CSMD1: variants seen among roughly 807,000 people sequenced by gnomAD.
CSMD1 encodes the protein CUB and sushi domain-containing protein 1.
Under a neutral mutation model 417.5 loss-of-function variants are expected in CSMD1, and 213 were observed. That is an observed-to-expected ratio of 0.51 (90% CI 0.46 to 0.57). The LOEUF (loss-of-function observed/expected upper bound fraction) is 0.57, where lower values mean the gene tolerates loss of function less well. CSMD1 is among the 20% of genes least tolerant of loss of function. The pLI, the probability that CSMD1 is intolerant of heterozygous loss-of-function variation, is 0.00. For synonymous variants in CSMD1, 2,862 were observed against 1,736.8 expected (o/e 1.65, Z -16.11); for missense variants, 6,923 against 4,529.7 (o/e 1.53, Z -15.17).
intron 5 of CSMD1, among the ~76,000 whole-genome samples, chr8:3,811,548 T>C (rs1454101503): frequency 3.9e-5 from 6 of 152,132 alleles, no homozygotes; most frequent in African/African-American, 1.4e-4. Context: ...TGTTCTTTTC[T>C]CTGCACGCCT....
intron 3 of CSMD1, among the ~76,000 whole-genome samples, chr8:4,070,120 G>A (rs893470680): frequency 2.0e-5 from 3 of 152,032 alleles, no homozygotes; most frequent in Non-Finnish European, 4.4e-5. Context: ...CAGTCTTCTT[G>A]TAAATATTAC....
intron 8 of CSMD1, among the ~76,000 whole-genome samples, chr8:3,611,411 G>A (rs992545697): frequency 7.9e-5 from 12 of 152,222 alleles, no homozygotes; most frequent in African/African-American, 9.6e-5. Flanking sequence ...TGAGCTGGCT[G>A]CTTGCTTTTC....
At position 3,728,597 on chromosome 8, in the gene CSMD1, A is replaced by G. The variant is rs369482850; in HGVS notation, c.932-20106T>C. Among the ~76,000 whole-genome samples, 206 of 152,260 alleles carry G rather than the reference A, an allele frequency of 1.4e-3. 5 individuals carry two copies. In the South Asian group the frequency reaches 0.034, roughly 25 times the overall value. Reference sequence around the variant, plus strand: ...GGTGTGACTGACTTGCACATTAACCAAAGAAAAAGGGCATCTGTGGTAGAG... The same window carrying G: ...GGTGTGACTGACTTGCACATTAACCGAAGAAAAAGGGCATCTGTGGTAGAG... On this transcript the variant is annotated intron_variant, in intron 6 of 69. Transcript: ENST00000635120.
intron 1 of CSMD1, among the ~76,000 whole-genome samples, chr8:4,896,590 T>C (rs1294415347): frequency 6.6e-6 from 1 of 152,114 alleles, no homozygotes; most frequent in African/African-American, 2.4e-5. Flanking sequence ...TATTTAACCA[T>C]GTTCATAAAT....
chr8:4,321,531 G>T (rs983451207), intron 3 of CSMD1, among the ~76,000 whole-genome samples: 8 of 152,132 alleles, frequency 5.3e-5, no homozygotes, highest in Non-Finnish European at 7.3e-5. Flanking sequence ...GGATTAAAGG[G>T]ATGAGTATCT....
In CSMD1 at chr8:4,701,070, G is replaced by C. The variant is rs979576173; in HGVS notation, c.86-63512C>G. ...AGTACATAAAACATCTGATAGATGA[G>C]TTTTATTGAAATTAAGGGTAGAGTT... On this transcript the variant is annotated intron_variant, in intron 1 of 69. Coordinates refer to ENST00000635120, the MANE Select transcript of CSMD1 (RefSeq NM_033225.6). Among the ~76,000 whole-genome samples, 16 of 152,270 alleles carry C rather than the reference G, an allele frequency of 1.1e-4. No homozygotes were observed. The East Asian group carries it at 2.3e-3, about 22-fold the overall frequency.
intron 3 of CSMD1, among the ~76,000 whole-genome samples, chr8:4,169,106 C>CT (rs1171022771): frequency 6.6e-6 from 1 of 152,206 alleles, no homozygotes; most frequent in Non-Finnish European, 1.5e-5. Context: ...CCTTGAACCT[C>CT]TTTTCTCATC....
intron 6 of CSMD1, among the ~76,000 whole-genome samples, chr8:3,737,084 A>G (rs1796558648): frequency 6.6e-6 from 1 of 152,248 alleles, no homozygotes; most frequent in African/African-American, 2.4e-5. Flanking sequence ...GTTCATTTAT[A>G]TTATAGTCAT....
chr8:4,672,519 T>C lies in CSMD1; in HGVS notation c.86-34961A>G, dbSNP rs190903572. 3.3e-5 allele frequency among the ~76,000 whole-genome samples: 5 copies of C among 152,328 alleles called. No homozygotes were observed. The East Asian group carries it at 5.8e-4, about 18-fold the overall frequency. On this transcript the variant is annotated intron_variant, in intron 1 of 69. Transcript: ENST00000635120. ...TGAAAAAAAGCTTTAATAAGGATCTTTGGTGAAATATGCACCTATAATGTA... is the reference window on the plus strand; with the variant it reads ...TGAAAAAAAGCTTTAATAAGGATCTCTGGTGAAATATGCACCTATAATGTA...
chr8:4,179,219 C>T (rs1451992420), intron 3 of CSMD1, among the ~76,000 whole-genome samples: 8 of 152,066 alleles, frequency 5.3e-5, no homozygotes, highest in Admixed American at 4.6e-4. Flanking sequence ...GGTACTGGTA[C>T]CAAAACAGAG....
At chr8:4,078,267 G>C (rs964443121) in intron 3 of CSMD1, among the ~76,000 whole-genome samples, 24 of 149,834 alleles carry the variant, frequency 1.6e-4, no homozygotes, top group Non-Finnish European at 3.5e-4. Flanking sequence ...ACTATGCATT[G>C]ATAATGCAGA....
intron 2 of CSMD1, among the ~76,000 whole-genome samples, chr8:4,536,172 T>C (rs761297614): frequency 1.2e-4 from 18 of 152,172 alleles, no homozygotes; most frequent in Admixed American, 4.6e-4. Context: ...GTAAGGAGAT[T>C]TGTTTTATTT....
At chr8:4,660,521 A>G (rs1336466969) in intron 1 of CSMD1, among the ~76,000 whole-genome samples, 4 of 152,154 alleles carry the variant, frequency 2.6e-5, no homozygotes, top group African/African-American at 7.2e-5. Context: ...AGAGAAGATT[A>G]TTCTAAAATG....
chr8:4,515,660 A>G (rs1803076489), intron 2 of CSMD1, among the ~76,000 whole-genome samples: 1 of 152,150 alleles, frequency 6.6e-6, no homozygotes, highest in African/African-American at 2.4e-5. Context: ...GATTCCCTCT[A>G]GGGTGTTTGC....
At position 3,223,724 on chromosome 8, in the gene CSMD1, G is replaced by A. The variant is rs752258950; in HGVS notation, c.4484+5C>T. 25 of 1,613,456 alleles carry A rather than the reference G, an allele frequency of 1.5e-5. No individual in the cohort carries two copies. Among genetic ancestry groups the A allele is most frequent in the African/African-American group, 4.0e-5 (3 of 74,872 alleles). On this transcript the variant is annotated splice_donor_5th_base_variant and intron_variant, in intron 28 of 69. Coordinates refer to ENST00000635120, the MANE Select transcript of CSMD1 (RefSeq NM_033225.6). ...TAAAAAGAGGTATTCTGCAAGAGAC[G>A]GTACCTTTTGAATATCAAGGCGATG...
intron 1 of CSMD1, among the ~76,000 whole-genome samples, chr8:4,721,400 A>G (rs976953476): frequency 6.6e-6 from 1 of 152,230 alleles, no homozygotes; most frequent in African/African-American, 2.4e-5. Flanking sequence ...AATATAAAAA[A>G]GAATGAATCT....
chr8:3,782,342 T>A (rs1358378301), intron 5 of CSMD1, among the ~76,000 whole-genome samples: 1 of 152,162 alleles, frequency 6.6e-6, no homozygotes, highest in African/African-American at 2.4e-5. Context: ...TAGGAAAATG[T>A]TCAAAAAGGG....
At chr8:3,389,372 G>C (rs550335451) in intron 17 of CSMD1, among the ~76,000 whole-genome samples, 88 of 152,146 alleles carry the variant, frequency 5.8e-4, no homozygotes, top group African/African-American at 2.1e-3. Context: ...GCGGCGTTTG[G>C]TTGCCTGTTG....
intron 5 of CSMD1, among the ~76,000 whole-genome samples, chr8:3,895,698 T>G (rs193125985): frequency 8.7e-4 from 133 of 152,344 alleles, no homozygotes; most frequent in African/African-American, 3.1e-3. Flanking sequence ...TTGTATTTAG[T>G]TCCTAACTTG....
Sources: gnomAD v4.1 joint callset for allele counts (sites outside exome capture counted in the v4.1 genomes callset) on GRCh38, gnomAD v4.1.1 for gene constraint, MANE v1.5 for transcripts, NCBI Gene and HGNC (gene_info 2026-07-23, HGNC 2026-07-21) for gene names.